The following JAKMIP1 variants were observed in gnomAD, a reference collection of about 807,000 sequenced individuals.
JAKMIP1 encodes the protein janus kinase and microtubule-interacting protein 1.
JAKMIP1 carries 33 observed loss-of-function variants against 113.0 expected under a neutral mutation model. The ratio of observed to expected loss-of-function variants is 0.29; its 90% CI spans 0.22 to 0.39. The LOEUF (loss-of-function observed/expected upper bound fraction) is 0.39. Among genes scored for constraint, JAKMIP1 ranks in the 10% least tolerant of loss-of-function variants. The pLI is 1.00. For synonymous variants in JAKMIP1, 480 were observed against 459.9 expected (o/e 1.04, Z -0.56); for missense variants, 813 against 1,080.5 (o/e 0.75, Z 3.47).
chr4:6,095,360 GGAAA>G (rs1206482171), intron 3 of JAKMIP1, among the ~76,000 whole-genome samples: 2 of 151,112 alleles, frequency 1.3e-5, no homozygotes, highest in African/African-American at 4.9e-5. Context: ...GAGGAAGAAA[GGAAA>G]GAAAGAAGAA....
chr4:6,080,429 G>A lies in JAKMIP1; in HGVS notation c.1102-117C>T. On this transcript the variant is annotated intron_variant, in intron 6 of 20. Coordinates refer to ENST00000409021, the MANE Select transcript of JAKMIP1 (RefSeq NM_001099433.2). This position sits in a 1 kb window ranked among gnomAD's most constrained non-coding sequence, Gnocchi z 6.0. ...CAGAAGGATGGATGGGAGGATGAAAGAGATGATGGCCTGATATGGTTTGGC... is the reference window on the plus strand; with the variant it reads ...CAGAAGGATGGATGGGAGGATGAAAAAGATGATGGCCTGATATGGTTTGGC... 8.1e-7 allele frequency: 1 copy of A among 1,240,296 alleles called. No individual in the cohort carries two copies. The highest frequency in any genetic ancestry group is 2.4e-5 in the East Asian group (1 of 40,996). 76.8% of individuals were successfully genotyped at this position (1,240,296 alleles called of 1,614,324 possible).
chr4:6,080,088 T>G lies in JAKMIP1; in HGVS notation c.1242+84A>C. On this transcript the variant is annotated intron_variant, in intron 7 of 20. Transcript: ENST00000409021. This position sits in a 1 kb window ranked among gnomAD's most constrained non-coding sequence, Gnocchi z 6.0. ...CTGACCCAGCTCAGCAGCATCACCCTGAGCCCCAACACCCGTTCCTGACAC... is the reference window on the plus strand; with the variant it reads ...CTGACCCAGCTCAGCAGCATCACCCGGAGCCCCAACACCCGTTCCTGACAC... The G allele has an allele frequency of 3.9e-5, 57 of 1,461,572 alleles. No homozygotes were observed. Among genetic ancestry groups the G allele is most frequent in the Non-Finnish European group, 4.8e-5 (52 of 1,087,728 alleles). The allele number at this position is 1,461,572 out of a possible 1,614,324, so 90.5% of individuals were successfully genotyped here. A position where few individuals can be genotyped will look rare whatever the true frequency, so the allele number is the denominator to read the frequency against.
At chr4:6,196,602 C>T (rs995201666) in intron 1 of JAKMIP1, among the ~76,000 whole-genome samples, 3 of 152,082 alleles carry the variant, frequency 2.0e-5, no homozygotes, top group African/African-American at 7.2e-5. Flanking sequence ...GCCTGTACTC[C>T]CAGCACGTTG....
In JAKMIP1 at chr4:6,105,542, G is replaced by A. The variant is rs559467587; in HGVS notation, c.555C>T (p.Ala185=). 6.8e-6 allele frequency: 11 copies of A among 1,606,888 alleles called. No individual in the cohort carries two copies. The highest frequency in any genetic ancestry group is 5.6e-5 in the South Asian group (5 of 89,622). The change falls in exon 3 of 21, where the codon GCC becomes GCT. Residue 185 remains alanine, a synonymous_variant. Coordinates refer to ENST00000409021, the MANE Select transcript of JAKMIP1 (RefSeq NM_001099433.2). ...CCTCGTCTTGGTGCGCCTGGTAGGCGGCACGCAGGTCGGCTGCCTTGGTCT... is the reference window on the plus strand; with the variant it reads ...CCTCGTCTTGGTGCGCCTGGTAGGCAGCACGCAGGTCGGCTGCCTTGGTCT... ...ADKTKAADLR[A]AYQAHQDEVH... is the part of the protein sequence containing the mutation.
At chr4:6,175,611 G>A (rs922161055) in intron 1 of JAKMIP1, among the ~76,000 whole-genome samples, 1 of 152,148 alleles carries the variant, frequency 6.6e-6, no homozygotes, top group Non-Finnish European at 1.5e-5. Flanking sequence ...TTCAGCTGAG[G>A]ACTCACTCCA....
rs572751272 is a variant in JAKMIP1, at chr4:6,110,704, C to G, written c.129+2018G>C. On this transcript the variant is annotated intron_variant, in intron 2 of 20. Coordinates refer to ENST00000409021, the MANE Select transcript of JAKMIP1 (RefSeq NM_001099433.2). Reference sequence around the variant, plus strand: ...CCTCAAACAACCCAGGAGGCAGACACCTTAGAGGTCCCCATCTACAGATGG... The same window carrying G: ...CCTCAAACAACCCAGGAGGCAGACAGCTTAGAGGTCCCCATCTACAGATGG... Among the ~76,000 whole-genome samples, 7 of 147,908 alleles carry G rather than the reference C, an allele frequency of 4.7e-5. No homozygotes were observed. In the East Asian group the frequency reaches 1.4e-3, roughly 30 times the overall value.
chr4:6,190,707 C>T (rs1727163224), intron 1 of JAKMIP1, among the ~76,000 whole-genome samples: 1 of 152,244 alleles, frequency 6.6e-6, no homozygotes. Context: ...CTGCAAATCT[C>T]AGGACAAAGT....
chr4:6,039,831 G>GA (rs1714080805), intron 18 of JAKMIP1, among the ~76,000 whole-genome samples: 1 of 152,144 alleles, frequency 6.6e-6, no homozygotes, highest in Admixed American at 6.5e-5. Context: ...CTGTCTTCCT[G>GA]GAGCCTGTCA....
At chr4:6,090,794 T>G (rs1578204221) in intron 3 of JAKMIP1, among the ~76,000 whole-genome samples, 1 of 141,134 alleles carries the variant, frequency 7.1e-6, no homozygotes, top group African/African-American at 2.7e-5. Context: ...TAAACTAGAG[T>G]GTCACTCCCC....
In JAKMIP1 at chr4:6,182,140, C is replaced by T. The variant is rs144026273; in HGVS notation, c.-148+18113G>A. Among the ~76,000 whole-genome samples, 83 of 152,040 alleles carry T rather than the reference C, an allele frequency of 5.5e-4. 1 individual carries two copies. In the East Asian group the frequency reaches 8.3e-3, roughly 15 times the overall value. ...ATAAGAAGGGACAGGAAACCAGGCT[C>T]GGTGGCTCACACCTGTAATCCCAGC... On this transcript the variant is annotated intron_variant, in intron 1 of 20. Coordinates refer to ENST00000409021, the MANE Select transcript of JAKMIP1 (RefSeq NM_001099433.2).
Position 6,148,241 on chromosome 4 carries a change from G to A in JAKMIP1, c.-147-35244C>T, listed in dbSNP as rs575476834. Among the ~76,000 whole-genome samples the A allele has an allele frequency of 2.3e-4, 35 of 152,322 alleles. No homozygotes were observed. The South Asian group carries it at 5.6e-3, about 24-fold the overall frequency. On this transcript the variant is annotated intron_variant, in intron 1 of 20. Transcript: ENST00000409021. ...TGGACTGATATGATGGCTGTGGTGC[G>A]TCTGTTTCAGACCAAGAGCAGGGCA... is the stretch of plus-strand genomic sequence containing the variant.
chr4:6,069,091 A>G lies in JAKMIP1; in HGVS notation c.1303-4083T>C, dbSNP rs773278677. On this transcript the variant is annotated intron_variant, in intron 8 of 20. Coordinates refer to ENST00000409021, the MANE Select transcript of JAKMIP1 (RefSeq NM_001099433.2). This position sits in a 1 kb window ranked among gnomAD's most constrained non-coding sequence, Gnocchi z 4.5. ...AAAAACACAGTGGCTATCTTCCTTG[A>G]AGGCAATGCAACTGGTTTTGCACTG... is the stretch of plus-strand genomic sequence containing the variant. Among the ~76,000 whole-genome samples the G allele has an allele frequency of 6.6e-6, 1 of 152,228 alleles. No homozygotes were observed. The highest frequency in any genetic ancestry group is 1.5e-5 in the Non-Finnish European group (1 of 68,044).
intron 3 of JAKMIP1, among the ~76,000 whole-genome samples, chr4:6,098,847 G>A (rs543292460): frequency 6.6e-6 from 1 of 152,264 alleles, no homozygotes; most frequent in South Asian, 2.1e-4. Context: ...CCCCACACCC[G>A]GAGGTCATCC....
chr4:6,120,629 AT>A (rs1716576935), intron 1 of JAKMIP1, among the ~76,000 whole-genome samples: 3 of 152,190 alleles, frequency 2.0e-5, no homozygotes, highest in Non-Finnish European at 4.4e-5. Context: ...ACATCCCACG[AT>A]TTTCAGTTTC....
At chr4:6,175,879 C>T (rs1421160606) in intron 1 of JAKMIP1, among the ~76,000 whole-genome samples, 1 of 152,202 alleles carries the variant, frequency 6.6e-6, no homozygotes, top group African/African-American at 2.4e-5. Context: ...CCATCAAGGC[C>T]CTTGTCCTCT....
chr4:6,185,520 C>T lies in JAKMIP1; in HGVS notation c.-148+14733G>A, dbSNP rs899608072. ...AAAATTAGCCGGGCGTGGTGGCAGA[C>T]GCCTGTAGTCCCAGCTACTTGGGAG... On this transcript the variant is annotated intron_variant, in intron 1 of 20. Coordinates refer to ENST00000409021, the MANE Select transcript of JAKMIP1 (RefSeq NM_001099433.2). The surrounding 1 kb of genome is among the most constrained non-coding windows in gnomAD (Gnocchi z 5.3). 6.6e-5 allele frequency among the ~76,000 whole-genome samples: 10 copies of T among 152,168 alleles called. No individual in the cohort carries two copies. The highest frequency in any genetic ancestry group is 1.9e-4 in the East Asian group (1 of 5,188).
chr4:6,163,864 A>C (rs886271125), intron 1 of JAKMIP1, among the ~76,000 whole-genome samples: 1 of 152,268 alleles, frequency 6.6e-6, no homozygotes, highest in African/African-American at 2.4e-5. Flanking sequence ...CCAAAGCCTA[A>C]TTCAGAGCAA....
At chr4:6,046,581 C>A (rs377665534) in intron 16 of JAKMIP1, among the ~76,000 whole-genome samples, 4 of 128,692 alleles carry the variant, frequency 3.1e-5, no homozygotes, top group Non-Finnish European at 4.9e-5. Flanking sequence ...GGCAGGCGGG[C>A]GGCAGTGGGG....
rs529153152 is a variant in JAKMIP1, at chr4:6,049,056, C to T, written c.1963-134G>A. Reference sequence around the variant, plus strand: ...ATGTTTGTTTGTTTTGAGACGGAGTCTCTCTCTGTCACCTGGGTTTGAGTG... The same window carrying T: ...ATGTTTGTTTGTTTTGAGACGGAGTTTCTCTCTGTCACCTGGGTTTGAGTG... On this transcript the variant is annotated intron_variant, in intron 15 of 20. Transcript: ENST00000409021. This position sits in a 1 kb window ranked among gnomAD's most constrained non-coding sequence, Gnocchi z 7.0. 1.0e-5 allele frequency: 7 copies of T among 682,124 alleles called. No individual in the cohort carries two copies. The highest frequency in any genetic ancestry group is 1.8e-5 in the Non-Finnish European group (7 of 390,632). 42.3% of individuals were successfully genotyped at this position (682,124 alleles called of 1,614,324 possible).
Sources: allele counts gnomAD v4.1 joint callset (sites outside exome capture counted in the v4.1 genomes callset), GRCh38; gene constraint gnomAD v4.1.1; non-coding constraint Gnocchi (gnomAD v3.1); transcripts MANE v1.5; gene names NCBI Gene and HGNC (gene_info 2026-07-23, HGNC 2026-07-21).